The following TYW1 variants were observed in gnomAD, a reference collection of about 807,000 sequenced individuals.
TYW1 encodes tRNA-yW synthesizing protein 1 homolog, also known as S-adenosyl-L-methionine-dependent tRNA 4-demethylwyosine synthase TYW1.
Under a neutral mutation model 96.2 loss-of-function variants are expected in TYW1, and 46 were observed. The ratio of observed to expected loss-of-function variants is 0.48; its 90% CI spans 0.38 to 0.61. The LOEUF (loss-of-function observed/expected upper bound fraction) is 0.61. Among genes scored for constraint, TYW1 ranks in the 20% least tolerant of loss-of-function variants. The pLI is 0.00. For missense variants in TYW1, 684 were observed against 909.6 expected (o/e 0.75, Z 3.19); for synonymous variants, 274 against 323.0 (o/e 0.85, Z 1.63).
chr7:67,232,181 A>G (rs1301998065), intron 15 of TYW1, among the ~76,000 whole-genome samples: 4 of 151,896 alleles, frequency 2.6e-5, no homozygotes, highest in African/African-American at 9.7e-5. Flanking sequence ...CAGTGAGCTG[A>G]GATCATGCCA....
intron 8 of TYW1, among the ~76,000 whole-genome samples, chr7:67,052,364 T>C (rs1304198553): frequency 1.3e-5 from 2 of 152,200 alleles, no homozygotes; most frequent in Non-Finnish European, 2.9e-5. Context: ...TCTGTCTCAC[T>C]TTTCATTTTG....
At chr7:67,184,385 GGTTT>G (rs1214144486) in intron 14 of TYW1, among the ~76,000 whole-genome samples, 3 of 151,744 alleles carry the variant, frequency 2.0e-5, no homozygotes, top group Non-Finnish European at 4.4e-5. Context: ...TGTGTGTGTG[GGTTT>G]GTTTGTATTT....
At chr7:67,061,758 C>G (rs1584514123) in intron 9 of TYW1, among the ~76,000 whole-genome samples, 2 of 152,014 alleles carry the variant, frequency 1.3e-5, no homozygotes, top group Non-Finnish European at 1.5e-5. Flanking sequence ...TGGGAGGAAT[C>G]CAATAGGGAG....
intron 13 of TYW1, among the ~76,000 whole-genome samples, chr7:67,160,731 A>G (rs1363461217): frequency 6.6e-6 from 1 of 151,304 alleles, no homozygotes; most frequent in Non-Finnish European, 1.5e-5. Context: ...AGCTAGGATT[A>G]TAGGTGCCTG....
intron 13 of TYW1, among the ~76,000 whole-genome samples, chr7:67,121,189 CACTTAAA>C (rs544570319): frequency 6.6e-6 from 1 of 150,384 alleles, no homozygotes; most frequent in Non-Finnish European, 1.5e-5. Context: ...TGTTGTTTAG[CACTTAAA>C]ACATATATTT....
Position 67,233,226 on chromosome 7 carries a change from CTGTCA to C in TYW1, c.1978-5080_1978-5076del, listed in dbSNP as rs1013138650. 2.3e-5 allele frequency among the ~76,000 whole-genome samples: 3 copies of C among 130,284 alleles called. 1 individual carries two copies. Among genetic ancestry groups the C allele is most frequent in the Non-Finnish European group, 3.3e-5 (2 of 61,524 alleles). 85.5% of individuals were successfully genotyped at this position (130,284 alleles called of 152,430 possible). On this transcript the variant is annotated intron_variant, in intron 15 of 15. Coordinates refer to ENST00000359626, the MANE Select transcript of TYW1 (RefSeq NM_018264.4). ...TATATATCTTTTTTAAATGTTCTTA[CTGTCA>C]TTTTAGTGGGGTTTCAAGAGGAAGT... is the stretch of plus-strand genomic sequence containing the variant.
chr7:67,180,421 TA>T (rs1328260630), intron 13 of TYW1, among the ~76,000 whole-genome samples: 14 of 75,840 alleles, frequency 1.8e-4, no homozygotes, highest in African/African-American at 7.6e-4. Flanking sequence ...TATATATATA[TA>T]TAATTTTTTT....
At chr7:67,206,515 C>T (rs931261935) in intron 15 of TYW1, among the ~76,000 whole-genome samples, 1 of 151,976 alleles carries the variant, frequency 6.6e-6, no homozygotes, top group Non-Finnish European at 1.5e-5. Context: ...CCTGTAATCA[C>T]AACTACTTGG....
chr7:67,221,636 C>T lies in TYW1; in HGVS notation c.1978-16672C>T, dbSNP rs373037009. 5.9e-5 allele frequency among the ~76,000 whole-genome samples: 9 copies of T among 152,226 alleles called. No individual in the cohort carries two copies. The East Asian group carries it at 1.7e-3, about 29-fold the overall frequency. ...AAACATTTAAATTACCTTTTCATTT[C>T]CTTTTGTGTAGATGCTGTAGCTATT... On this transcript the variant is annotated intron_variant, in intron 15 of 15. Coordinates refer to ENST00000359626, the MANE Select transcript of TYW1 (RefSeq NM_018264.4).
At position 67,144,819 on chromosome 7, in the gene TYW1, A is replaced by G. The variant is rs150697298; in HGVS notation, c.1698+27201A>G. ...CTTCCTACAGCACAGCAGTCTTTCA[A>G]TACAACGTTTTTAACTGATACTTAC... On this transcript the variant is annotated intron_variant, in intron 13 of 15. Coordinates refer to ENST00000359626, the MANE Select transcript of TYW1 (RefSeq NM_018264.4). 4.9e-3 allele frequency among the ~76,000 whole-genome samples: 752 copies of G among 152,192 alleles called. 7 individuals are homozygous for G. The highest frequency in any genetic ancestry group is 0.017 in the African/African-American group (700 of 41,508).
At chr7:67,116,865 G>C (rs34862053) in intron 12 of TYW1, among the ~76,000 whole-genome samples, 1 of 152,150 alleles carries the variant, frequency 6.6e-6, no homozygotes, top group Admixed American at 6.5e-5. Flanking sequence ...CTGGGCTGTG[G>C]TCCTGTGTAA....
chr7:67,087,665 TCAG>T lies in TYW1; in HGVS notation c.1384+4129_1384+4131del, dbSNP rs1796590618. ...GTCAGGAAAACCTCAGTGTATTTAA[TCAG>T]CAACAAATTTGCTGGAAGGGTTTTC... On this transcript the variant is annotated intron_variant, in intron 11 of 15. Coordinates refer to ENST00000359626, the MANE Select transcript of TYW1 (RefSeq NM_018264.4). Among the ~76,000 whole-genome samples, 3 of 152,150 alleles carry T rather than the reference TCAG, an allele frequency of 2.0e-5. No individual in the cohort carries two copies. In the South Asian group the frequency reaches 6.2e-4, roughly 31 times the overall value.
At chr7:67,019,390 G>T (rs1226380461) in intron 6 of TYW1, among the ~76,000 whole-genome samples, 2 of 134,392 alleles carry the variant, frequency 1.5e-5, no homozygotes, top group African/African-American at 5.4e-5. Context: ...TAGAGATGGG[G>T]TTTCATCATG....
At chr7:67,195,394 C>G (rs1173734271) in intron 15 of TYW1, 57 bp downstream of exon 15, 3 of 1,603,316 alleles carry the variant, frequency 1.9e-6, no homozygotes, top group African/African-American at 2.7e-5. Flanking sequence ...TTCTTTCCTT[C>G]TCTTCTCTCT....
chr7:67,026,598 A>G (rs1418135958), intron 7 of TYW1, among the ~76,000 whole-genome samples: 1 of 152,060 alleles, frequency 6.6e-6, no homozygotes, highest in East Asian at 1.9e-4. Context: ...AGATTGATCT[A>G]TTCATGTGGA....
rs1375496035 is a variant in TYW1, at chr7:66,999,775, C to T, written c.273+821C>T. ...TTGAAAGATGCTTCCCATTCTCTCT[C>T]TTTTTTGCGGGGGAACAGTGTCTGG... is the stretch of plus-strand genomic sequence containing the variant. On this transcript the variant is annotated intron_variant, in intron 3 of 15. Coordinates refer to ENST00000359626, the MANE Select transcript of TYW1 (RefSeq NM_018264.4). 6.6e-5 allele frequency among the ~76,000 whole-genome samples: 10 copies of T among 152,200 alleles called. No homozygotes were observed. The South Asian group carries it at 2.1e-3, about 32-fold the overall frequency.
At chr7:67,124,986 A>C (rs1584592021) in intron 13 of TYW1, among the ~76,000 whole-genome samples, 1 of 152,090 alleles carries the variant, frequency 6.6e-6, no homozygotes, top group Non-Finnish European at 1.5e-5. Flanking sequence ...GGCATGCACC[A>C]CCATGCCCAG....
chr7:67,092,677 T>C (rs1329874771), intron 11 of TYW1, among the ~76,000 whole-genome samples: 1 of 74,312 alleles, frequency 1.3e-5, no homozygotes, highest in East Asian at 2.5e-4. Context: ...TCACCTTCTT[T>C]TTTTTTTTTT....
chr7:67,231,701 C>T (rs1801753175), intron 15 of TYW1, among the ~76,000 whole-genome samples: 1 of 151,906 alleles, frequency 6.6e-6, no homozygotes, highest in Non-Finnish European at 1.5e-5. Context: ...TCGATTTTCT[C>T]TTTGTCTCCA....
Sources: allele counts gnomAD v4.1 joint callset (sites outside exome capture counted in the v4.1 genomes callset), GRCh38; gene constraint gnomAD v4.1.1; transcripts MANE v1.5; gene names NCBI Gene and HGNC (gene_info 2026-07-23, HGNC 2026-07-21).